NDST3: variants seen among roughly 807,000 people sequenced by gnomAD.
The protein encoded by NDST3 is N-deacetylase and N-sulfotransferase 3.
A neutral mutation model predicts 96.1 loss-of-function variants in NDST3; 58 were observed. That is an observed-to-expected ratio of 0.60 (90% CI 0.49 to 0.75). NDST3 has a LOEUF of 0.75. Among genes scored for constraint, NDST3 ranks in the 30% least tolerant of loss-of-function variants. The pLI is 0.00. For missense variants in NDST3, 788 were observed against 1,034.2 expected, an observed-to-expected ratio of 0.76 and a Z score of 3.27; for synonymous variants, 333 against 359.7, an observed-to-expected ratio of 0.93 and a Z score of 0.84.
intron 6 of NDST3, among the ~76,000 whole-genome samples, chr4:118,151,239 G>C (rs1391926551): frequency 6.6e-6 from 1 of 152,156 alleles, no homozygotes; most frequent in African/African-American, 2.4e-5. Flanking sequence ...GACTGTTGTG[G>C]GGTGGAGTGA....
intron 4 of NDST3, among the ~76,000 whole-genome samples, chr4:118,118,298 C>A (rs1423516463): frequency 6.6e-6 from 1 of 152,134 alleles, no homozygotes; most frequent in African/African-American, 2.4e-5. Flanking sequence ...AGTGGGCTGT[C>A]TTGGGAGCAA....
At chr4:118,096,662 G>C (rs1560639819) in intron 2 of NDST3, among the ~76,000 whole-genome samples, 1 of 64,242 alleles carries the variant, frequency 1.6e-5, no homozygotes, top group Non-Finnish European at 3.2e-5. Flanking sequence ...GGCTAGAGTA[G>C]ATAGATAGAT....
At chr4:118,063,298 A>G (rs1177775949) in intron 2 of NDST3, among the ~76,000 whole-genome samples, 1 of 152,104 alleles carries the variant, frequency 6.6e-6, no homozygotes, top group Non-Finnish European at 1.5e-5. Flanking sequence ...AGTTCTACAC[A>G]CTGTAGTAGC....
chr4:118,231,754 A>G lies in NDST3; in HGVS notation c.1820-1258A>G, dbSNP rs115764840. Among the ~76,000 whole-genome samples, 1,039 of 152,312 alleles carry G rather than the reference A, an allele frequency of 6.8e-3. 13 individuals are homozygous for G. Among genetic ancestry groups the G allele is most frequent in the African/African-American group, 0.024 (978 of 41,570 alleles). ...TATATAGAAATACTTTTATATTATGATCTTTTAAACACAGTCACAGTTACA... is the reference window on the plus strand; with the variant it reads ...TATATAGAAATACTTTTATATTATGGTCTTTTAAACACAGTCACAGTTACA... On this transcript the variant is annotated intron_variant, in intron 8 of 13. Coordinates refer to ENST00000296499, the MANE Select transcript of NDST3 (RefSeq NM_004784.3).
At chr4:118,167,594 A>C (rs550587941) in intron 6 of NDST3, among the ~76,000 whole-genome samples, 1 of 152,094 alleles carries the variant, frequency 6.6e-6, no homozygotes, top group African/African-American at 2.4e-5. Flanking sequence ...AAGGGCCCCA[A>C]AAATCCAAAA....
chr4:118,226,744 A>G (rs1159595562), intron 7 of NDST3, 142 bp from the exon 8 acceptor site: 2 of 608,410 alleles, frequency 3.3e-6, no homozygotes, highest in African/African-American at 1.9e-5. Flanking sequence ...ATGCCACTTC[A>G]GGGCTTTCAT....
intron 6 of NDST3, among the ~76,000 whole-genome samples, chr4:118,152,967 T>C (rs937358429): frequency 6.6e-6 from 1 of 152,118 alleles, no homozygotes; most frequent in African/African-American, 2.4e-5. Flanking sequence ...AAATGTCCAT[T>C]CTTGGTTCAT....
intron 1 of NDST3, among the ~76,000 whole-genome samples, chr4:118,042,774 C>G (rs112995122): frequency 6.6e-6 from 1 of 152,196 alleles, no homozygotes; most frequent in African/African-American, 2.4e-5. Context: ...TGTCCCCATC[C>G]TCATATCCAA....
upstream of NDST3, chr4:118,034,203 T>C (rs1724023148): frequency 6.6e-6 from 1 of 152,246 alleles, no homozygotes. Flanking sequence ...TCATATTTAT[T>C]AACCTGTTAA....
intron 1 of NDST3, among the ~76,000 whole-genome samples, chr4:118,053,164 G>A (rs531926360): frequency 6.6e-6 from 1 of 152,014 alleles, no homozygotes; most frequent in East Asian, 1.9e-4. Context: ...ATGCAACTAT[G>A]AAAATATGCA....
chr4:118,232,234 A>AT (rs1017003296), intron 8 of NDST3, among the ~76,000 whole-genome samples: 5 of 152,178 alleles, frequency 3.3e-5, no homozygotes, highest in Non-Finnish European at 7.4e-5. Flanking sequence ...AATATATTTC[A>AT]TTTATATAGT....
At chr4:118,109,324 A>G (rs1314144085) in intron 3 of NDST3, among the ~76,000 whole-genome samples, 1 of 152,178 alleles carries the variant, frequency 6.6e-6, no homozygotes, top group African/African-American at 2.4e-5. Context: ...AGAGGGAGAG[A>G]GTAGGAAGAG....
At chr4:118,098,016 G>C (rs115493587) in intron 2 of NDST3, among the ~76,000 whole-genome samples, 5,020 of 149,676 alleles carry the variant, frequency 0.034, 135 homozygotes, top group Non-Finnish European at 0.052. Context: ...TTTTTTGGAA[G>C]GGGGTGGGTT....
intron 6 of NDST3, among the ~76,000 whole-genome samples, chr4:118,152,690 G>A (rs1207345155): frequency 2.0e-5 from 3 of 152,122 alleles, no homozygotes; most frequent in South Asian, 2.1e-4. Context: ...CTTTTCACAT[G>A]TCTAACTTTC....
chr4:118,122,535 A>T (rs981995389), intron 4 of NDST3, among the ~76,000 whole-genome samples: 1 of 151,224 alleles, frequency 6.6e-6, no homozygotes, highest in Non-Finnish European at 1.5e-5. Flanking sequence ...AAAATTTTCC[A>T]TCTCTACTTC....
intron 1 of NDST3, among the ~76,000 whole-genome samples, chr4:118,052,539 A>C (rs1725139793): frequency 6.6e-6 from 1 of 151,062 alleles, no homozygotes; most frequent in Non-Finnish European, 1.5e-5. Flanking sequence ...ATAACGGTTG[A>C]ATTTTTTTAA....
intron 6 of NDST3, among the ~76,000 whole-genome samples, chr4:118,209,478 T>G (rs1483619653): frequency 6.6e-6 from 1 of 152,220 alleles, no homozygotes; most frequent in African/African-American, 2.4e-5. Flanking sequence ...TCTCATGACA[T>G]GTAAATATTT....
At chr4:118,242,279 A>C in intron 12 of NDST3, 130 bp downstream of exon 12, 1 of 559,648 alleles carries the variant, frequency 1.8e-6, no homozygotes, top group Non-Finnish European at 3.2e-6. Flanking sequence ...TTTGACATTA[A>C]CCACGGAAAA....
At chr4:118,221,436 C>T (rs1340804203) in intron 6 of NDST3, among the ~76,000 whole-genome samples, 4 of 151,962 alleles carry the variant, frequency 2.6e-5, no homozygotes, top group Admixed American at 6.6e-5. Context: ...ATCCACATTT[C>T]CTCTCCTCTT....
Sources: gnomAD v4.1 joint callset for allele counts (sites outside exome capture counted in the v4.1 genomes callset) on GRCh38, gnomAD v4.1.1 for gene constraint, MANE v1.5 for transcripts, NCBI Gene and HGNC (gene_info 2026-07-23, HGNC 2026-07-21) for gene names.